The following ANXA6 variants were observed in gnomAD, a reference collection of about 807,000 sequenced individuals.
The protein encoded by ANXA6 is annexin A6.
Under a neutral mutation model 95.4 loss-of-function variants are expected in ANXA6, and 71 were observed. The observed-to-expected ratio is 0.74, with a 90% CI of 0.61 to 0.91. ANXA6 has a LOEUF of 0.91. Ranked by LOEUF, ANXA6 falls within the 40% of genes least tolerant of loss-of-function variation. The probability of loss-of-function intolerance (pLI) is 0.00; values close to 1 mark genes in which losing one functional copy is unlikely to be tolerated. For synonymous variants in ANXA6, 289 were observed against 315.9 expected, an observed-to-expected ratio of 0.91 and a Z score of 0.90; for missense variants, 830 against 876.4, an observed-to-expected ratio of 0.95 and a Z score of 0.67.
chr5:151,137,964 C>T (rs1016182378), intron 5 of ANXA6, among the ~76,000 whole-genome samples: 1 of 152,178 alleles, frequency 6.6e-6, no homozygotes, highest in Admixed American at 6.5e-5. Context: ...CTTTTTGGGC[C>T]TCAGTTTTCT....
At chr5:151,129,182 C>T (rs1306171944) in intron 12 of ANXA6, among the ~76,000 whole-genome samples, 3 of 152,222 alleles carry the variant, frequency 2.0e-5, no homozygotes, top group Non-Finnish European at 2.9e-5. Context: ...CATGACCCAG[C>T]CCCTGCCTCC....
In ANXA6 at chr5:151,128,166, C is replaced by T. The variant is rs1037801770; in HGVS notation, c.977+15G>A. 6 of 1,609,658 alleles carry T rather than the reference C, an allele frequency of 3.7e-6. No individual in the cohort carries two copies. In the Admixed American group the frequency reaches 6.7e-5, roughly 18 times the overall value. ...AAGGCCATGCCCTCCAGCCAGGGGCCAAGAAGCCACTTACTCATCATCTCC... is the reference window on the plus strand; with the variant it reads ...AAGGCCATGCCCTCCAGCCAGGGGCTAAGAAGCCACTTACTCATCATCTCC... On this transcript the variant is annotated intron_variant, in intron 13 of 25. Coordinates refer to ENST00000354546, the MANE Select transcript of ANXA6 (RefSeq NM_001155.5).
At chr5:151,139,175 G>A (rs1448044836) in intron 4 of ANXA6, 178 bp downstream of exon 4, 7 of 599,526 alleles carry the variant, frequency 1.2e-5, no homozygotes, top group South Asian at 4.0e-5. Context: ...AGCAGGTGCT[G>A]TGGGTGTATT....
At position 151,147,275 on chromosome 5, in the gene ANXA6, G is replaced by C. The variant is rs549204229; in HGVS notation, c.18+609C>G. Reference sequence around the variant, plus strand: ...GTGACAGAGAACATTTCTATATCCAGAGCAGAGAAGTCAACAAGGATGTCT... The same window carrying C: ...GTGACAGAGAACATTTCTATATCCACAGCAGAGAAGTCAACAAGGATGTCT... On this transcript the variant is annotated intron_variant, in intron 2 of 25. Coordinates refer to ENST00000354546, the MANE Select transcript of ANXA6 (RefSeq NM_001155.5). Among the ~76,000 whole-genome samples, 23 of 152,326 alleles carry C rather than the reference G, an allele frequency of 1.5e-4. 1 individual carries two copies. Among genetic ancestry groups the C allele is most frequent in the Middle Eastern group, 3.4e-3 (1 of 294 alleles).
intron 11 of ANXA6, among the ~76,000 whole-genome samples, chr5:151,129,750 G>A (rs560135072): frequency 6.6e-6 from 1 of 151,806 alleles, no homozygotes; most frequent in South Asian, 2.1e-4. Context: ...TCTCACTCTT[G>A]TCCAGGCTGG....
At chr5:151,148,900 C>A (rs535289455) in intron 1 of ANXA6, among the ~76,000 whole-genome samples, 1 of 151,832 alleles carries the variant, frequency 6.6e-6, no homozygotes, top group African/African-American at 2.4e-5. Flanking sequence ...TCAGGCTGGT[C>A]GTGGTAGCTC....
At chr5:151,121,433 A>C (rs962162464) in intron 17 of ANXA6, among the ~76,000 whole-genome samples, 1 of 152,092 alleles carries the variant, frequency 6.6e-6, no homozygotes, top group African/African-American at 2.4e-5. Flanking sequence ...CTTGGGAAGC[A>C]AAGCAGTTCT....
chr5:151,116,543 C>T (rs563895889), intron 20 of ANXA6, among the ~76,000 whole-genome samples: 95 of 152,324 alleles, frequency 6.2e-4, no homozygotes, highest in African/African-American at 2.2e-3. Flanking sequence ...GGCAGAGCAG[C>T]CAAGAGACTC....
At chr5:151,145,473 C>T (rs1490084195) in intron 2 of ANXA6, among the ~76,000 whole-genome samples, 1 of 152,210 alleles carries the variant, frequency 6.6e-6, no homozygotes, top group Non-Finnish European at 1.5e-5. Context: ...TCCATGGCAC[C>T]ATCCTACTTC....
chr5:151,127,454 T>C (rs913082269), intron 13 of ANXA6, among the ~76,000 whole-genome samples: 1 of 152,222 alleles, frequency 6.6e-6, no homozygotes. Flanking sequence ...TAGTACTCCA[T>C]AAATGCATGA....
intron 2 of ANXA6, chr5:151,141,691 G>A (rs945240889): frequency 5.2e-5 from 51 of 985,508 alleles, no homozygotes; most frequent in Middle Eastern, 1.0e-3. Context: ...GTATGCATGC[G>A]TCGGCGTGGA....
rs1365555562 is a variant in ANXA6, at chr5:151,138,668, C to T, written c.318+10G>A. ...CCCACCCCAACACCACATACACCCC[C>T]ACTTCTTACCGAGATGGCATCTTTA... On this transcript the variant is annotated intron_variant, in intron 5 of 25. Transcript: ENST00000354546. 1 of 1,598,548 alleles carries T rather than the reference C, an allele frequency of 6.3e-7. No homozygotes were observed. Among genetic ancestry groups the T allele is most frequent in the Non-Finnish European group, 8.6e-7 (1 of 1,166,492 alleles).
intron 8 of ANXA6, 74 bp from the exon 9 acceptor site, chr5:151,133,261 G>T: frequency 9.8e-7 from 1 of 1,017,350 alleles, no homozygotes; most frequent in East Asian, 2.6e-5. Context: ...AAGCCACTCA[G>T]AACTGCTGCC....
At chr5:151,142,909 G>A (rs1765875444) in intron 2 of ANXA6, among the ~76,000 whole-genome samples, 1 of 152,210 alleles carries the variant, frequency 6.6e-6, no homozygotes, top group African/African-American at 2.4e-5. Context: ...CCCTCTGCAG[G>A]CTAGCCTGTT....
At position 151,110,608 on chromosome 5, in the gene ANXA6, T is replaced by G. The variant is rs2113898950; in HGVS notation, c.1590+19A>C. On this transcript the variant is annotated intron_variant, in intron 21 of 25. Coordinates refer to ENST00000354546, the MANE Select transcript of ANXA6 (RefSeq NM_001155.5). Reference sequence around the variant, plus strand: ...TACTCAGAGGCCGTTAAAACCCAAATGAAGAACAGGACACTCACCAAGATC... The same window carrying G: ...TACTCAGAGGCCGTTAAAACCCAAAGGAAGAACAGGACACTCACCAAGATC... The G allele has an allele frequency of 6.2e-7, 1 of 1,612,266 alleles. No individual in the cohort carries two copies. The highest frequency in any genetic ancestry group is 2.2e-5 in the East Asian group (1 of 44,812).
chr5:151,117,323 G>T, intron 19 of ANXA6, 143 bp from the exon 20 acceptor site: 2 of 756,110 alleles, frequency 2.6e-6, no homozygotes, highest in South Asian at 2.2e-5. Flanking sequence ...GCCTCTATAA[G>T]GTAGGCTGTT....
chr5:151,145,653 G>T (rs1205891528), intron 2 of ANXA6, among the ~76,000 whole-genome samples: 1 of 152,192 alleles, frequency 6.6e-6, no homozygotes, highest in Non-Finnish European at 1.5e-5. Context: ...GTGTGTTGGA[G>T]TTTTGGAGGA....
chr5:151,141,486 A>G, intron 2 of ANXA6: 1 of 984,464 alleles, frequency 1.0e-6, no homozygotes, highest in Non-Finnish European at 1.2e-6. Flanking sequence ...GAAATCAGGA[A>G]AGAATCCAAA....
chr5:151,128,446 T>C (rs1386051000), intron 12 of ANXA6: 2 of 556,262 alleles, frequency 3.6e-6, no homozygotes, highest in African/African-American at 3.8e-5. Flanking sequence ...CATTTGCCTA[T>C]TTCTGTGGTG....
Sources: allele counts gnomAD v4.1 joint callset (sites outside exome capture counted in the v4.1 genomes callset), GRCh38; gene constraint gnomAD v4.1.1; transcripts MANE v1.5; gene names NCBI Gene and HGNC (gene_info 2026-07-23, HGNC 2026-07-21).